GALNT13: variants seen among roughly 807,000 people sequenced by gnomAD.
The protein encoded by GALNT13 is UDP-GalNAc:polypeptide N-acetylgalactosaminyltransferase 13.
GALNT13 carries 28 observed loss-of-function variants against 64.2 expected under a neutral mutation model. The observed-to-expected ratio is 0.44, with a 90% confidence interval of 0.32 to 0.60. The LOEUF is 0.60. Among genes scored for constraint, GALNT13 ranks in the 20% least tolerant of loss-of-function variants. The pLI is 0.05. For synonymous variants in GALNT13, 214 were observed against 224.6 expected, an observed-to-expected ratio of 0.95 and a Z score of 0.42; for missense variants, 577 against 669.8, an observed-to-expected ratio of 0.86 and a Z score of 1.53.
At chr2:153,853,132 A>G in the GALNT13 span, among the ~76,000 whole-genome samples, 40 of 152,298 alleles carry the variant, frequency 2.6e-4, no homozygotes, top group Admixed American at 1.2e-3. Context: ...GGCAAGAAGC[A>G]TCTAGCACGA....
chr2:154,284,655 A>T (rs979049301), intron 8 of GALNT13, among the ~76,000 whole-genome samples: 2 of 152,090 alleles, frequency 1.3e-5, no homozygotes, highest in Non-Finnish European at 2.9e-5. Context: ...AATCCACATG[A>T]GAATGCAGAT....
intron 9 of GALNT13, among the ~76,000 whole-genome samples, chr2:154,302,223 T>C (rs146947179): frequency 9.2e-5 from 14 of 152,078 alleles, no homozygotes; most frequent in African/African-American, 3.4e-4. Flanking sequence ...TACTGGGTGG[T>C]GGGATTATTA....
At chr2:154,364,918 G>T (rs1440115628) in intron 9 of GALNT13, among the ~76,000 whole-genome samples, 10 of 152,112 alleles carry the variant, frequency 6.6e-5, no homozygotes, top group Admixed American at 5.9e-4. Flanking sequence ...TGATTCGCCC[G>T]CCTCGGCCTT....
chr2:154,251,573 A>C (rs1418771511), intron 7 of GALNT13, among the ~76,000 whole-genome samples: 1 of 152,156 alleles, frequency 6.6e-6, no homozygotes, highest in Non-Finnish European at 1.5e-5. Context: ...GGATTTTAGT[A>C]AGCTTCCATG....
chr2:154,206,873 A>G (rs762273407), intron 4 of GALNT13, among the ~76,000 whole-genome samples: 5 of 151,918 alleles, frequency 3.3e-5, no homozygotes, highest in South Asian at 2.1e-4. Context: ...TCGTTTCACC[A>G]TGCATTTCAC....
At chr2:153,402,461 C>T in the GALNT13 span, among the ~76,000 whole-genome samples, 3 of 151,782 alleles carry the variant, frequency 2.0e-5, no homozygotes, top group African/African-American at 7.3e-5. Flanking sequence ...TTTCCTGAAT[C>T]TGAATGTTGG....
chr2:153,161,997 A>G, the GALNT13 span, among the ~76,000 whole-genome samples: 1 of 152,196 alleles, frequency 6.6e-6, no homozygotes, highest in South Asian at 2.1e-4. Context: ...ATTGTTGGCA[A>G]TTGATGAGTG....
Position 154,131,926 on chromosome 2 carries a change from A to G in GALNT13, c.143-8411A>G, listed in dbSNP as rs188513711. On this transcript the variant is annotated intron_variant, in intron 3 of 12. Transcript: ENST00000392825. ...AGTGATGTAAGTCCAAGAGCCCAAA[A>G]GCTGAAGAGCTTGGAGTACCATGTT... 1.9e-3 allele frequency among the ~76,000 whole-genome samples: 292 copies of G among 152,306 alleles called. 2 individuals carry two copies. The highest frequency in any genetic ancestry group is 0.017 in the Admixed American group (263 of 15,302).
At chr2:153,608,919 T>G in the GALNT13 span, among the ~76,000 whole-genome samples, 1 of 143,724 alleles carries the variant, frequency 7.0e-6, no homozygotes, top group Non-Finnish European at 1.5e-5. Context: ...TTTTACTTCT[T>G]TTTTTTTTTT....
the GALNT13 span, among the ~76,000 whole-genome samples, chr2:153,697,513 A>G: frequency 5.3e-5 from 8 of 152,324 alleles, no homozygotes; most frequent in East Asian, 1.4e-3. Context: ...AGAACTGGAT[A>G]TTTCTGAATG....
intron 9 of GALNT13, among the ~76,000 whole-genome samples, chr2:154,316,650 C>T (rs916787153): frequency 2.6e-5 from 4 of 152,120 alleles, no homozygotes; most frequent in Non-Finnish European, 4.4e-5. Context: ...TGTTGAGGGC[C>T]TTCTTGCTGC....
chr2:154,239,188 T>C (rs1680440757), intron 4 of GALNT13, among the ~76,000 whole-genome samples: 1 of 152,156 alleles, frequency 6.6e-6, no homozygotes, highest in Non-Finnish European at 1.5e-5. Context: ...AATCACAAAG[T>C]AAAGCTTGGT....
chr2:153,332,412 G>T, the GALNT13 span, among the ~76,000 whole-genome samples: 1 of 151,890 alleles, frequency 6.6e-6, no homozygotes, highest in African/African-American at 2.4e-5. Context: ...TTGATTTCTA[G>T]CTAATTTTTT....
chr2:153,962,335 G>T (rs1316949790), intron 3 of GALNT13, among the ~76,000 whole-genome samples: 1 of 152,172 alleles, frequency 6.6e-6, no homozygotes, highest in Non-Finnish European at 1.5e-5. Context: ...AGATGGAATA[G>T]ACGTATCATG....
the GALNT13 span, among the ~76,000 whole-genome samples, chr2:153,397,566 A>T: frequency 1.3e-5 from 2 of 152,028 alleles, no homozygotes; most frequent in African/African-American, 4.8e-5. Flanking sequence ...ACTAGATGTT[A>T]CCAGTCTTGC....
the GALNT13 span, among the ~76,000 whole-genome samples, chr2:153,651,903 A>G: frequency 6.6e-6 from 1 of 152,178 alleles, no homozygotes; most frequent in Non-Finnish European, 1.5e-5. Context: ...AATTCTGGTT[A>G]CCAACTTCAA....
chr2:153,135,933 A>G, the GALNT13 span, among the ~76,000 whole-genome samples: 6 of 152,112 alleles, frequency 3.9e-5, no homozygotes, highest in Non-Finnish European at 7.4e-5. Context: ...TGAAGTACGA[A>G]ACTCCAGATG....
At chr2:154,446,706 G>C in intron 12 of GALNT13, 2 of 1,545,798 alleles carry the variant, frequency 1.3e-6, no homozygotes, top group Non-Finnish European at 1.7e-6. Flanking sequence ...TACAAGAATG[G>C]AAATTTTTAG....
the GALNT13 span, among the ~76,000 whole-genome samples, chr2:153,613,821 T>C: frequency 6.6e-6 from 1 of 151,988 alleles, no homozygotes; most frequent in African/African-American, 2.4e-5. Flanking sequence ...TTTTTATGGC[T>C]GCATAGTATT....
Sources: allele counts gnomAD v4.1 joint callset (sites outside exome capture counted in the v4.1 genomes callset), GRCh38; gene constraint gnomAD v4.1.1; transcripts MANE v1.5; gene names NCBI Gene and HGNC (gene_info 2026-07-23, HGNC 2026-07-21).